GRIP1: variants seen among roughly 807,000 people sequenced by gnomAD.
GRIP1 encodes glutamate receptor-interacting protein 1.
In GRIP1, 45 loss-of-function variants were observed where a neutral mutation model predicts 129.9. The observed-to-expected ratio is 0.35, with a 90% confidence interval of 0.27 to 0.44. The LOEUF (loss-of-function observed/expected upper bound fraction) is 0.44. GRIP1 is among the 20% of genes least tolerant of loss of function. The pLI, the probability that GRIP1 is intolerant of heterozygous loss-of-function variation, is 1.00. For synonymous variants in GRIP1, 530 were observed against 520.8 expected (o/e 1.02, Z -0.24); for missense variants, 1,196 against 1,396.8 (o/e 0.86, Z 2.29).
At chr12:66,583,326 C>T (rs1242506849) in intron 2 of GRIP1, among the ~76,000 whole-genome samples, 2 of 150,258 alleles carry the variant, frequency 1.3e-5, no homozygotes, top group Admixed American at 6.7e-5. Flanking sequence ...CTAGGCGTTA[C>T]CATTCAGGAC....
chr12:66,560,298 C>T (rs2062476409), intron 2 of GRIP1, among the ~76,000 whole-genome samples: 1 of 151,946 alleles, frequency 6.6e-6, no homozygotes, highest in African/African-American at 2.4e-5. Context: ...GCACAGGCAA[C>T]CAAAGTAAAA....
intron 1 of GRIP1, among the ~76,000 whole-genome samples, chr12:66,692,424 T>C (rs1203780317): frequency 6.6e-6 from 1 of 152,162 alleles, no homozygotes; most frequent in Non-Finnish European, 1.5e-5. Flanking sequence ...AACTCTTTGA[T>C]TGCTGTGATG....
chr12:66,501,963 G>A (rs1013053234), intron 7 of GRIP1, among the ~76,000 whole-genome samples: 2 of 152,306 alleles, frequency 1.3e-5, no homozygotes, highest in East Asian at 3.9e-4. Flanking sequence ...TGGGTTTGAT[G>A]TGATTAACAA....
chr12:67,031,871 T>A (rs541337437), intron 1 of GRIP1, among the ~76,000 whole-genome samples: 1 of 152,272 alleles, frequency 6.6e-6, no homozygotes, highest in East Asian at 1.9e-4. Context: ...TTAGTCCATT[T>A]CCAACTGCTT....
chr12:66,837,134 A>C (rs1047764061), intron 1 of GRIP1, among the ~76,000 whole-genome samples: 1 of 152,208 alleles, frequency 6.6e-6, no homozygotes, highest in Non-Finnish European at 1.5e-5. Context: ...TTTCTAAGAA[A>C]AAGTTAGAAG....
intron 2 of GRIP1, among the ~76,000 whole-genome samples, chr12:66,566,907 A>G (rs2062781897): frequency 6.6e-6 from 1 of 152,074 alleles, no homozygotes; most frequent in Non-Finnish European, 1.5e-5. Context: ...TAGATTTTCT[A>G]GTTTATTTTC....
intron 1 of GRIP1, among the ~76,000 whole-genome samples, chr12:66,863,867 A>G (rs1371855330): frequency 6.6e-6 from 1 of 152,160 alleles, no homozygotes; most frequent in Non-Finnish European, 1.5e-5. Flanking sequence ...GACCCATAGC[A>G]GTTCTCAGAG....
chr12:66,679,771 T>TTA (rs2034511195), upstream of GRIP1, among the ~76,000 whole-genome samples: 1 of 152,216 alleles, frequency 6.6e-6, no homozygotes, highest in Non-Finnish European at 1.5e-5. Context: ...TATTTCTATT[T>TTA]TTAATATACT....
rs375767345 is a variant in GRIP1, at chr12:66,362,532, T to C, written c.3013-8969A>G. ...GTGGAGGAGGAGGACGATAGGACTG[T>C]TCTCCAAGAATCTGGACATGAGGGA... On this transcript the variant is annotated intron_variant, in intron 23 of 24. Transcript: ENST00000359742. Among the ~76,000 whole-genome samples the C allele has an allele frequency of 7.2e-5, 11 of 152,046 alleles. No homozygotes were observed. The East Asian group carries it at 2.1e-3, about 29-fold the overall frequency.
At position 66,684,247 on chromosome 12, in the gene GRIP1, G is replaced by T. The variant is rs139044589; in HGVS notation, c.-419-53911C>A. Among the ~76,000 whole-genome samples, 363 of 152,298 alleles carry T rather than the reference G, an allele frequency of 2.4e-3. 1 individual carries two copies. Among genetic ancestry groups the T allele is most frequent in the South Asian group, 5.8e-3 (28 of 4,826 alleles). On this transcript the variant is annotated intron_variant, in intron 1 of 4. Transcript: ENST00000538373. ...AGCTCCATGTGATTAGTATGGATTG[G>T]TTTGGTCAGAGAAATCATAAGCAGG...
At chr12:66,946,808 G>A (rs1210609867) in intron 1 of GRIP1, among the ~76,000 whole-genome samples, 1 of 134,904 alleles carries the variant, frequency 7.4e-6, no homozygotes, top group Non-Finnish European at 1.6e-5. Context: ...GGGGCTGGGG[G>A]GGGCGGCATG....
intron 1 of GRIP1, among the ~76,000 whole-genome samples, chr12:67,009,893 C>A (rs1375448377): frequency 6.6e-6 from 1 of 152,134 alleles, no homozygotes; most frequent in Non-Finnish European, 1.5e-5. Flanking sequence ...ATCACATACA[C>A]CAGCATTTCA....
intron 1 of GRIP1, among the ~76,000 whole-genome samples, chr12:67,044,077 T>C (rs909670662): frequency 1.3e-5 from 2 of 152,194 alleles, no homozygotes; most frequent in Non-Finnish European, 2.9e-5. Flanking sequence ...CTATTAATTC[T>C]GAATATTCAG....
upstream of GRIP1, among the ~76,000 whole-genome samples, chr12:66,806,025 A>G (rs1426941443): frequency 6.8e-6 from 1 of 146,834 alleles, no homozygotes; most frequent in African/African-American, 2.5e-5. Context: ...TGATTCCCTC[A>G]ACCAAAACAA....
intron 2 of GRIP1, among the ~76,000 whole-genome samples, chr12:66,589,121 C>T (rs1408167152): frequency 6.6e-6 from 1 of 151,844 alleles, no homozygotes; most frequent in East Asian, 1.9e-4. Flanking sequence ...ATAAAAATGG[C>T]TAGTCCAATA....
intron 1 of GRIP1, among the ~76,000 whole-genome samples, chr12:66,608,838 T>G (rs189574159): frequency 1.1e-4 from 16 of 151,964 alleles, no homozygotes; most frequent in Admixed American, 9.8e-4. Context: ...GTGGTCTGAG[T>G]TCAAGAAGTG....
At chr12:66,785,331 C>CATATATATATATATATATATATATAT (rs1180271589) in intron 1 of GRIP1, among the ~76,000 whole-genome samples, 2 of 35,036 alleles carry the variant, frequency 5.7e-5, no homozygotes, top group African/African-American at 1.6e-4. Context: ...TACATACATA[C>CATATATATATATATATATATATATAT]ATACATACAT....
intron 1 of GRIP1, among the ~76,000 whole-genome samples, chr12:66,969,223 A>C (rs1251638751): frequency 6.6e-6 from 1 of 152,118 alleles, no homozygotes; most frequent in Non-Finnish European, 1.5e-5. Flanking sequence ...GTGTTCTCTG[A>C]GCTTCCTGGA....
intron 1 of GRIP1, among the ~76,000 whole-genome samples, chr12:66,872,972 G>A (rs970848756): frequency 2.0e-5 from 3 of 152,038 alleles, no homozygotes; most frequent in Non-Finnish European, 4.4e-5. Context: ...TGGCTGAGTT[G>A]GAATTATCTG....
Sources: gnomAD v4.1 joint callset for allele counts (sites outside exome capture counted in the v4.1 genomes callset) on GRCh38, gnomAD v4.1.1 for gene constraint, MANE v1.5 for transcripts, NCBI Gene and HGNC (gene_info 2026-07-23, HGNC 2026-07-21) for gene names.